The following BBS9 variants were observed in gnomAD, a reference collection of about 807,000 sequenced individuals.
BBS9 encodes the protein protein PTHB1.
In BBS9, 89 loss-of-function variants were observed where a neutral mutation model predicts 117.7. That is an observed-to-expected ratio of 0.76 (90% CI 0.64 to 0.90). The LOEUF (loss-of-function observed/expected upper bound fraction) is 0.90. Among genes scored for constraint, BBS9 ranks in the 40% least tolerant of loss-of-function variants. The pLI is 0.00. For synonymous variants in BBS9, 379 were observed against 370.9 expected (o/e 1.02, Z -0.25); for missense variants, 982 against 1,042.2 (o/e 0.94, Z 0.80).
intron 9 of BBS9, among the ~76,000 whole-genome samples, chr7:33,287,659 C>T (rs537305440): frequency 6.6e-6 from 1 of 152,148 alleles, no homozygotes; most frequent in East Asian, 1.9e-4. Flanking sequence ...AATCCACTGA[C>T]TTTTGTTCCC....
chr7:33,218,862 C>T (rs960955963), intron 5 of BBS9, among the ~76,000 whole-genome samples: 5 of 152,380 alleles, frequency 3.3e-5, no homozygotes, highest in African/African-American at 4.8e-5. Context: ...TGCCTGGGCT[C>T]CCACTTTGGC....
At chr7:33,386,781 A>T (rs1292035363) in intron 18 of BBS9, among the ~76,000 whole-genome samples, 1 of 152,054 alleles carries the variant, frequency 6.6e-6, no homozygotes, top group Non-Finnish European at 1.5e-5. Flanking sequence ...GGCGTGAGCC[A>T]CCGTGCCCGG....
chr7:33,467,567 A>ACCCCCCCCCCCCC (rs1563215445), intron 19 of BBS9, among the ~76,000 whole-genome samples: 1 of 59,438 alleles, frequency 1.7e-5, no homozygotes, highest in African/African-American at 3.7e-5. Flanking sequence ...GAACCCCCCA[A>ACCCCCCCCCCCCC]CTCCGCCACC....
At chr7:33,584,752 A>G (rs1187572250) in intron 21 of BBS9, among the ~76,000 whole-genome samples, 1 of 152,054 alleles carries the variant, frequency 6.6e-6, no homozygotes, top group Non-Finnish European at 1.5e-5. Flanking sequence ...TTGCTCTCAA[A>G]TTTTTTCCTG....
chr7:33,556,961 T>C (rs1855388238), intron 21 of BBS9, among the ~76,000 whole-genome samples: 1 of 152,178 alleles, frequency 6.6e-6, no homozygotes, highest in Non-Finnish European at 1.5e-5. Flanking sequence ...AATGTAAGCT[T>C]TTCTATGTCT....
chr7:33,352,178 G>A (rs977025161), intron 14 of BBS9: 4 of 152,900 alleles, frequency 2.6e-5, no homozygotes, highest in African/African-American at 9.6e-5. Context: ...CAGAGTTTTA[G>A]ACACTGTTTT....
chr7:33,607,996 A>G (rs73314616), downstream of BBS9, among the ~76,000 whole-genome samples: 6,887 of 151,742 alleles, frequency 0.045, 478 homozygotes, highest in African/African-American at 0.15. Flanking sequence ...TGATTCCATT[A>G]CCCAGGTACT....
At chr7:33,545,455 C>T (rs1275473269) in intron 21 of BBS9, among the ~76,000 whole-genome samples, 1 of 152,162 alleles carries the variant, frequency 6.6e-6, no homozygotes, top group Middle Eastern at 3.2e-3. Flanking sequence ...TCGGAAACTT[C>T]TCCCACAAAC....
chr7:33,388,870 T>A (rs1360786258), intron 19 of BBS9, among the ~76,000 whole-genome samples: 1 of 152,210 alleles, frequency 6.6e-6, no homozygotes, highest in African/African-American at 2.4e-5. Context: ...TATTGTGTAT[T>A]CCTATATTTC....
intron 9 of BBS9, among the ~76,000 whole-genome samples, chr7:33,324,861 A>G (rs779906998): frequency 7.2e-5 from 11 of 152,090 alleles, no homozygotes; most frequent in African/African-American, 2.7e-4. Context: ...CTGGAGCTCC[A>G]TTGTAGGGCA....
chr7:33,502,637 G>C (rs1437990402), intron 19 of BBS9, among the ~76,000 whole-genome samples: 1 of 152,212 alleles, frequency 6.6e-6, no homozygotes, highest in Admixed American at 6.5e-5. Flanking sequence ...TTCTCCTGAT[G>C]TGGGAGGAGC....
intron 19 of BBS9, among the ~76,000 whole-genome samples, chr7:33,468,940 C>T (rs1840578245): frequency 6.6e-6 from 1 of 151,918 alleles, no homozygotes; most frequent in Non-Finnish European, 1.5e-5. Flanking sequence ...CATATTTTGG[C>T]TCTTGTGAAT....
At chr7:33,623,193 GC>G (rs1198089096) in intron 21 of BBS9, among the ~76,000 whole-genome samples, 1 of 152,044 alleles carries the variant, frequency 6.6e-6, no homozygotes, top group African/African-American at 2.4e-5. Flanking sequence ...GGAACCTCCA[GC>G]AGTTTGATAA....
At chr7:33,192,746 G>T (rs915365713) in intron 5 of BBS9, among the ~76,000 whole-genome samples, 4 of 152,172 alleles carry the variant, frequency 2.6e-5, no homozygotes, top group Non-Finnish European at 4.4e-5. Flanking sequence ...CAAAATCAAG[G>T]TGCCAGCAGG....
intron 9 of BBS9, among the ~76,000 whole-genome samples, chr7:33,284,837 A>G (rs967155749): frequency 1.3e-5 from 2 of 152,072 alleles, no homozygotes; most frequent in African/African-American, 4.8e-5. Flanking sequence ...TCTACAGTGG[A>G]AGATTTTTTT....
chr7:33,526,929 G>A (rs1849612969), intron 20 of BBS9, among the ~76,000 whole-genome samples: 2 of 148,546 alleles, frequency 1.3e-5, no homozygotes, highest in South Asian at 4.5e-4. Context: ...GGTTTTTGGT[G>A]TGGATGTCCT....
intron 5 of BBS9, among the ~76,000 whole-genome samples, chr7:33,247,588 T>C (rs908390786): frequency 6.6e-6 from 1 of 152,218 alleles, no homozygotes; most frequent in Admixed American, 6.5e-5. Flanking sequence ...TCTGAAGCTT[T>C]TAATCATCCT....
At chr7:33,527,906 G>A (rs1483528308) in intron 20 of BBS9, among the ~76,000 whole-genome samples, 1 of 152,110 alleles carries the variant, frequency 6.6e-6, no homozygotes, top group Non-Finnish European at 1.5e-5. Flanking sequence ...TTCCTGAAAA[G>A]GCCCTGTACT....
intron 15 of BBS9, among the ~76,000 whole-genome samples, chr7:33,353,427 A>G (rs1173924878): frequency 1.3e-5 from 2 of 152,078 alleles, no homozygotes; most frequent in Non-Finnish European, 2.9e-5. Context: ...TTTTCCCCAA[A>G]TCTTTTGTTT....
Sources: gnomAD v4.1 joint callset for allele counts (sites outside exome capture counted in the v4.1 genomes callset) on GRCh38, gnomAD v4.1.1 for gene constraint, MANE v1.5 for transcripts, NCBI Gene and HGNC (gene_info 2026-07-23, HGNC 2026-07-21) for gene names.